DNAH11: variants seen among roughly 807,000 people sequenced by gnomAD.
DNAH11 encodes the protein dynein axonemal heavy chain 11.
Under a neutral mutation model 526.0 loss-of-function variants are expected in DNAH11, and 442 were observed. The observed-to-expected ratio is 0.84, with a 90% CI of 0.78 to 0.91. DNAH11 has a LOEUF of 0.91. Ranked by LOEUF, DNAH11 falls within the 40% of genes least tolerant of loss-of-function variation. The pLI is 0.00. For synonymous variants in DNAH11, 2,461 were observed against 1,935.9 expected (o/e 1.27, Z -7.12); for missense variants, 6,989 against 5,448.7 (o/e 1.28, Z -8.90).
chr7:21,899,986 T>C lies in DNAH11; in HGVS notation c.13169T>C (p.Met4390Thr). The change falls in exon 81 of 82, where the codon ATG (methionine) becomes ACG (threonine). Residue 4390 changes from methionine (M) to threonine (T), a missense_variant. Physicochemically the swap from Met to Thr is moderately conservative, Grantham distance 81 (BLOSUM62 -1). Coordinates refer to ENST00000409508, the MANE Select transcript of DNAH11 (RefSeq NM_001277115.2). ...FNPQSFLTAI[M>T]QTMARKNEWP... ...TTTTGTTATATTTCCAAAGCAATCA[T>C]GCAGACGATGGCTCGAAAAAATGAG... The C allele has an allele frequency of 6.2e-7, 1 of 1,613,844 alleles. No individual in the cohort carries two copies. The highest frequency in any genetic ancestry group is 8.5e-7 in the Non-Finnish European group (1 of 1,179,832).
chr7:21,720,163 G>A (rs903078643), intron 43 of DNAH11, among the ~76,000 whole-genome samples: 9 of 152,200 alleles, frequency 5.9e-5, no homozygotes, highest in African/African-American at 2.2e-4. Flanking sequence ...TAAGCTGCCA[G>A]TCCAACATTC....
chr7:21,890,291 A>G (rs1247159152), intron 76 of DNAH11, among the ~76,000 whole-genome samples: 1 of 152,192 alleles, frequency 6.6e-6, no homozygotes, highest in Non-Finnish European at 1.5e-5. Context: ...GCCTTCGCTC[A>G]TTGCCTACCA....
intron 51 of DNAH11, among the ~76,000 whole-genome samples, chr7:21,748,234 A>G (rs2270020): frequency 0.12 from 17,860 of 152,208 alleles, 1,816 homozygotes; most frequent in African/African-American, 0.25. Flanking sequence ...CTGTAATCCC[A>G]GCACTTTGGG....
At chr7:21,885,171 T>TAAAAAAAAA (rs778429337) in intron 76 of DNAH11, among the ~76,000 whole-genome samples, 1 of 114,582 alleles carries the variant, frequency 8.7e-6, no homozygotes, top group Non-Finnish European at 1.7e-5. Context: ...AAATGAACTA[T>TAAAAAAAAA]AAAAAAAAAA....
intron 5 of DNAH11, among the ~76,000 whole-genome samples, chr7:21,562,898 A>G (rs1783524034): frequency 6.6e-6 from 1 of 152,206 alleles, no homozygotes; most frequent in South Asian, 2.1e-4. Context: ...GTCTGGGTTC[A>G]TCCTTGACTC....
intron 55 of DNAH11, among the ~76,000 whole-genome samples, chr7:21,768,754 A>G (rs1471226193): frequency 1.3e-5 from 2 of 152,196 alleles, no homozygotes; most frequent in African/African-American, 4.8e-5. Flanking sequence ...CTAAGAGGAA[A>G]GTTATTTTAC....
chr7:21,591,625 C>G, intron 14 of DNAH11, 48 bp downstream of exon 14: 1 of 1,455,492 alleles, frequency 6.9e-7, no homozygotes, highest in Non-Finnish European at 9.1e-7. Context: ...TCATTGAGTT[C>G]AGAGAAGAGC....
chr7:21,562,137 C>T (rs1783484842), intron 5 of DNAH11, among the ~76,000 whole-genome samples: 1 of 152,216 alleles, frequency 6.6e-6, no homozygotes, highest in South Asian at 2.1e-4. Flanking sequence ...GGCCTATTAA[C>T]ACCTTCCTTG....
At position 21,724,536 on chromosome 7, in the gene DNAH11, A is replaced by G. The variant is rs997594638; in HGVS notation, c.7267-1275A>G. On this transcript the variant is annotated intron_variant, in intron 44 of 81. Coordinates refer to ENST00000409508, the MANE Select transcript of DNAH11 (RefSeq NM_001277115.2). ...AGTAGACACACACAGTATTTTTAAG[A>G]GTTCATCAAACTCACTATTTTAGGT... Among the ~76,000 whole-genome samples the G allele has an allele frequency of 2.6e-5, 4 of 151,570 alleles. 1 individual carries two copies. The highest frequency in any genetic ancestry group is 2.0e-4 in the Admixed American group (3 of 15,252).
intron 65 of DNAH11, among the ~76,000 whole-genome samples, chr7:21,831,081 T>C (rs1470739015): frequency 1.3e-5 from 2 of 152,198 alleles, no homozygotes; most frequent in East Asian, 3.9e-4. Flanking sequence ...AGGGCCAGTG[T>C]AATTTGTTCC....
At chr7:21,569,638 C>G (rs934850957) in intron 6 of DNAH11, among the ~76,000 whole-genome samples, 1 of 152,190 alleles carries the variant, frequency 6.6e-6, no homozygotes, top group Admixed American at 6.5e-5. Context: ...TCAGCTCTTT[C>G]TCTTTACAAG....
chr7:21,620,962 C>T (rs1400076647), intron 25 of DNAH11, among the ~76,000 whole-genome samples: 1 of 152,064 alleles, frequency 6.6e-6, no homozygotes, highest in South Asian at 2.1e-4. Context: ...TCCAGTCTAT[C>T]CTCGTTGGAC....
intron 62 of DNAH11, among the ~76,000 whole-genome samples, chr7:21,802,023 G>T (rs968914923): frequency 6.6e-6 from 1 of 152,134 alleles, no homozygotes; most frequent in African/African-American, 2.4e-5. Context: ...ATCACTGAAC[G>T]TCTTCAACTT....
chr7:21,575,686 T>C (rs57560232), intron 8 of DNAH11, among the ~76,000 whole-genome samples: 3,549 of 152,284 alleles, frequency 0.023, 121 homozygotes, highest in African/African-American at 0.079. Context: ...TTTTCCCTAG[T>C]CTTCCATTTT....
chr7:21,636,025 G>T lies in DNAH11; in HGVS notation c.4655G>T (p.Cys1552Phe). ...TCTCACCTGGAAAGCATTTTTGTCT[G>T]TTCAGAAGATATTCGAATCCAGCTT... ...TWSHLESIFV[C>F]SEDIRIQLVK... The change falls in exon 26 of 82, where the codon TGT becomes TTT. Residue 1552 changes from cysteine to phenylalanine, a missense_variant. Cys to Phe is a radical substitution (Grantham distance 205). Transcript: ENST00000409508. 1.2e-6 allele frequency: 2 copies of T among 1,613,648 alleles called. No homozygotes were observed. Among genetic ancestry groups the T allele is most frequent in the Non-Finnish European group, 8.5e-7 (1 of 1,179,760 alleles).
chr7:21,806,009 A>C (rs1026424413), intron 62 of DNAH11, among the ~76,000 whole-genome samples: 1 of 152,216 alleles, frequency 6.6e-6, no homozygotes, highest in African/African-American at 2.4e-5. Context: ...CAGCTGTTCA[A>C]AATTAGAAAT....
chr7:21,811,878 A>G (rs992045358), intron 63 of DNAH11, among the ~76,000 whole-genome samples: 12 of 152,204 alleles, frequency 7.9e-5, no homozygotes, highest in Admixed American at 2.6e-4. Context: ...GGTTTCAATG[A>G]TGAAATAATT....
chr7:21,622,592 A>G (rs1325474657), intron 25 of DNAH11, among the ~76,000 whole-genome samples: 2 of 152,192 alleles, frequency 1.3e-5, no homozygotes, highest in Non-Finnish European at 2.9e-5. Context: ...ACAGTAACCA[A>G]AACAGCATGG....
chr7:21,635,539 A>G (rs909782798), intron 25 of DNAH11, among the ~76,000 whole-genome samples: 1 of 152,180 alleles, frequency 6.6e-6, no homozygotes, highest in Non-Finnish European at 1.5e-5. Context: ...CAATGAAAGA[A>G]TACAGTTTAA....
Sources: gnomAD v4.1 joint callset for allele counts (sites outside exome capture counted in the v4.1 genomes callset) on GRCh38, gnomAD v4.1.1 for gene constraint, MANE v1.5 for transcripts, NCBI Gene and HGNC (gene_info 2026-07-23, HGNC 2026-07-21) for gene names.